XPNPEP3: variants seen among roughly 807,000 people sequenced by gnomAD.
XPNPEP3 encodes X-prolyl aminopeptidase 3.
A neutral mutation model predicts 60.0 loss-of-function variants in XPNPEP3; 41 were observed. The observed-to-expected ratio is 0.68, with a 90% CI of 0.53 to 0.89. The LOEUF is 0.89. Ranked by LOEUF, XPNPEP3 falls within the 40% of genes least tolerant of loss-of-function variation. The probability of loss-of-function intolerance (pLI) is 0.00; values close to 1 mark genes in which losing one functional copy is unlikely to be tolerated. For synonymous variants in XPNPEP3, 212 were observed against 223.2 expected, an observed-to-expected ratio of 0.95 and a Z score of 0.45; for missense variants, 598 against 638.9, an observed-to-expected ratio of 0.94 and a Z score of 0.69.
chr22:40,930,526 T>A lies in XPNPEP3; in HGVS notation c.*4091T>A, dbSNP rs2058251112. 6.6e-6 allele frequency: 1 copy of A among 152,134 alleles called. No individual in the cohort carries two copies. The highest frequency in any genetic ancestry group is 2.4e-5 in the African/African-American group (1 of 41,444). 9.4% of individuals were successfully genotyped at this position (152,134 alleles called of 1,614,324 possible). ...AATGATCAGATCAGAACAATTAGCA[T>A]ATCCATCACATTGAACATTTATCAT... On this transcript the variant is annotated 3_prime_UTR_variant, in exon 10 of 10. Coordinates refer to ENST00000357137, the MANE Select transcript of XPNPEP3 (RefSeq NM_022098.4).
chr22:40,876,615 C>A (rs1013503403), intron 2 of XPNPEP3, among the ~76,000 whole-genome samples: 5 of 152,244 alleles, frequency 3.3e-5, no homozygotes, highest in Admixed American at 2.6e-4. Flanking sequence ...TCCACACTTT[C>A]AACCACAAAA....
At chr22:40,899,817 C>CAA (rs1336628860) in intron 4 of XPNPEP3, among the ~76,000 whole-genome samples, 26 of 54,204 alleles carry the variant, frequency 4.8e-4, no homozygotes, top group African/African-American at 1.1e-3. Flanking sequence ...GACTCTATCT[C>CAA]AAAAAAAAAA....
At chr22:40,910,237 C>T (rs1304561883) in intron 6 of XPNPEP3, among the ~76,000 whole-genome samples, 1 of 152,136 alleles carries the variant, frequency 6.6e-6, no homozygotes, top group Non-Finnish European at 1.5e-5. Flanking sequence ...CATCCCACTT[C>T]CTCCCTCCCA....
intron 1 of XPNPEP3, among the ~76,000 whole-genome samples, chr22:40,865,679 A>G: frequency 1.2e-5 from 1 of 82,182 alleles, no homozygotes; most frequent in Non-Finnish European, 2.2e-5. Context: ...TAAATACCAC[A>G]CTCTTTTTTT....
intron 1 of XPNPEP3, among the ~76,000 whole-genome samples, chr22:40,864,070 A>G (rs1223961531): frequency 6.6e-6 from 1 of 152,268 alleles, no homozygotes; most frequent in African/African-American, 2.4e-5. Context: ...CAAGTTTATT[A>G]AGAAAGTAAA....
chr22:40,909,721 C>G (rs1167742790), intron 6 of XPNPEP3, among the ~76,000 whole-genome samples: 1 of 152,124 alleles, frequency 6.6e-6, no homozygotes, highest in African/African-American at 2.4e-5. Context: ...GCCGAGATCA[C>G]ACAACCGCAC....
rs1224735808 is a variant in XPNPEP3, at chr22:40,931,434, T to C, written c.*4999T>C. On this transcript the variant is annotated 3_prime_UTR_variant, in exon 10 of 10. Coordinates refer to ENST00000357137, the MANE Select transcript of XPNPEP3 (RefSeq NM_022098.4). ...CAACAGTATAAATACTATAGTAAAG[T>C]TGGGTGCAGTGGATCACAGCTATAA... 1.3e-5 allele frequency: 2 copies of C among 152,110 alleles called. No homozygotes were observed. The highest frequency in any genetic ancestry group is 2.9e-5 in the Non-Finnish European group (2 of 68,014). The allele number at this position is 152,110 out of a possible 1,614,324, so 9.4% of individuals were successfully genotyped here.
intron 7 of XPNPEP3, among the ~76,000 whole-genome samples, chr22:40,921,812 A>C (rs143603676): frequency 6.6e-6 from 1 of 152,104 alleles, no homozygotes; most frequent in Non-Finnish European, 1.5e-5. Flanking sequence ...GTGAGAATAC[A>C]TATCATGTAT....
intron 4 of XPNPEP3, among the ~76,000 whole-genome samples, chr22:40,893,153 TATA>T (rs1469389712): frequency 1.4e-5 from 2 of 147,558 alleles, no homozygotes; most frequent in East Asian, 1.9e-4. Flanking sequence ...ATTTATATAT[TATA>T]ATATTATATC....
intron 7 of XPNPEP3, among the ~76,000 whole-genome samples, chr22:40,916,532 C>T (rs1208066594): frequency 6.6e-6 from 1 of 152,080 alleles, no homozygotes; most frequent in Non-Finnish European, 1.5e-5. Context: ...GCTAACAAAA[C>T]CAAACACTAG....
At chr22:40,858,501 C>A (rs1170529467) in intron 1 of XPNPEP3, among the ~76,000 whole-genome samples, 2 of 143,102 alleles carry the variant, frequency 1.4e-5, no homozygotes, top group South Asian at 2.3e-4. Flanking sequence ...GCGTTGCAAT[C>A]GTTTAGTATG....
At chr22:40,858,556 T>C (rs1485192036) in intron 1 of XPNPEP3, among the ~76,000 whole-genome samples, 2 of 122,238 alleles carry the variant, frequency 1.6e-5, no homozygotes, top group Non-Finnish European at 3.3e-5. Context: ...TGAGACAGAG[T>C]CTTGCTCTTG....
chr22:40,881,692 T>C, intron 2 of XPNPEP3, 78 bp from the exon 3 acceptor site: 1 of 1,515,250 alleles, frequency 6.6e-7, no homozygotes, highest in East Asian at 2.3e-5. Context: ...ACTTGAGTAT[T>C]TCCATCTAAT....
intron 6 of XPNPEP3, among the ~76,000 whole-genome samples, chr22:40,912,868 C>T (rs1045553530): frequency 1.3e-5 from 2 of 151,702 alleles, no homozygotes; most frequent in African/African-American, 4.8e-5. Context: ...AAGACTCCAT[C>T]TCAAAAAAAA....
At chr22:40,896,355 T>C (rs2058108015) in intron 4 of XPNPEP3, among the ~76,000 whole-genome samples, 2 of 151,912 alleles carry the variant, frequency 1.3e-5, no homozygotes, top group Non-Finnish European at 2.9e-5. Context: ...TTAATCGTGG[T>C]GAGATGCATA....
At chr22:40,870,266 T>A in intron 2 of XPNPEP3, 1 of 288,320 alleles carries the variant, frequency 3.5e-6, no homozygotes, top group South Asian at 2.8e-5. Flanking sequence ...ATTACTGATT[T>A]CTTGTGGTGA....
chr22:40,912,313 T>C (rs985032179), intron 6 of XPNPEP3, among the ~76,000 whole-genome samples: 7 of 152,194 alleles, frequency 4.6e-5, no homozygotes, highest in African/African-American at 1.7e-4. Flanking sequence ...TGCTGGGTCA[T>C]AGGATATACA....
In XPNPEP3 at chr22:40,929,712, A is replaced by C. The variant is rs1158290469; in HGVS notation, c.*3277A>C. 1 of 152,180 alleles carries C rather than the reference A, an allele frequency of 6.6e-6. No individual in the cohort carries two copies. The highest frequency in any genetic ancestry group is 1.5e-5 in the Non-Finnish European group (1 of 68,028). 9.4% of individuals were successfully genotyped at this position (152,180 alleles called of 1,614,324 possible). ...CCCAGATTAACTAACTATAGCAGCT[A>C]AGCATTTGAATCAGACTTCTCATAG... On this transcript the variant is annotated 3_prime_UTR_variant, in exon 10 of 10. Transcript: ENST00000357137.
At chr22:40,886,537 T>G (rs1207221892) in intron 4 of XPNPEP3, 22 bp downstream of exon 4, 1 of 1,611,214 alleles carries the variant, frequency 6.2e-7, no homozygotes, top group Admixed American at 1.7e-5. Context: ...ATTGAAAAGT[T>G]TTTTCCAGCC....
Sources: allele counts gnomAD v4.1 joint callset (sites outside exome capture counted in the v4.1 genomes callset), GRCh38; gene constraint gnomAD v4.1.1; transcripts MANE v1.5; gene names NCBI Gene and HGNC (gene_info 2026-07-23, HGNC 2026-07-21).